PARD3B: variants seen among roughly 807,000 people sequenced by gnomAD.
PARD3B encodes partitioning defective 3 homolog B.
Under a neutral mutation model 130.2 loss-of-function variants are expected in PARD3B, and 103 were observed. That is an observed-to-expected ratio of 0.79 (90% CI 0.67 to 0.93). PARD3B has a LOEUF of 0.93. Ranked by LOEUF, PARD3B falls within the 40% of genes least tolerant of loss-of-function variation. PARD3B has a pLI of 0.00. For missense variants in PARD3B, 1,609 were observed against 1,499.2 expected (o/e 1.07, Z -1.21); for synonymous variants, 583 against 553.2 (o/e 1.05, Z -0.76).
intron 3 of PARD3B, among the ~76,000 whole-genome samples, chr2:205,039,444 T>A (rs897263669): frequency 5.9e-5 from 9 of 152,134 alleles, no homozygotes; most frequent in African/African-American, 2.2e-4. Flanking sequence ...AAGTATTTCT[T>A]TCTGATGGAC....
chr2:205,331,782 C>CA (rs56654511), intron 18 of PARD3B, among the ~76,000 whole-genome samples: 975 of 48,326 alleles, frequency 0.02, 60 homozygotes, highest in Middle Eastern at 0.031. Flanking sequence ...GACTCCGTCT[C>CA]AAAAAAAAAA....
chr2:205,611,143 AGAG>A (rs1202648895), intron 22 of PARD3B, among the ~76,000 whole-genome samples: 2 of 152,206 alleles, frequency 1.3e-5, no homozygotes, highest in Admixed American at 6.5e-5. Flanking sequence ...TGGCAGAGAC[AGAG>A]GAGAGAGATT....
Position 205,446,656 on chromosome 2 carries a change from A to C in PARD3B, c.3044+5984A>C, listed in dbSNP as rs2047917272. Among the ~76,000 whole-genome samples the C allele has an allele frequency of 6.6e-6, 1 of 152,138 alleles. No homozygotes were observed. The highest frequency in any genetic ancestry group is 6.5e-5 in the Admixed American group (1 of 15,272). ...CTTAGAAAAAAAAAATTGCCTTATAAAAGATTCATCTATAAATGACAGTGG... is the reference window on the plus strand; with the variant it reads ...CTTAGAAAAAAAAAATTGCCTTATACAAGATTCATCTATAAATGACAGTGG... On this transcript the variant is annotated intron_variant, in intron 20 of 22. Coordinates refer to ENST00000406610, the MANE Select transcript of PARD3B (RefSeq NM_001302769.2). The surrounding 1 kb of genome is among the most constrained non-coding windows in gnomAD (Gnocchi z 4.4).
At chr2:204,983,688 A>T (rs1692881784) in intron 3 of PARD3B, among the ~76,000 whole-genome samples, 1 of 152,176 alleles carries the variant, frequency 6.6e-6, no homozygotes, top group Non-Finnish European at 1.5e-5. Flanking sequence ...TGAAATTCCC[A>T]TGTGAAAGAT....
chr2:205,170,705 C>A (rs975970774), intron 11 of PARD3B, among the ~76,000 whole-genome samples: 2 of 152,158 alleles, frequency 1.3e-5, no homozygotes, highest in Admixed American at 1.3e-4. Context: ...GTTTAACGAC[C>A]CGTCTGCACA....
intron 1 of PARD3B, among the ~76,000 whole-genome samples, chr2:204,586,598 T>C (rs988295911): frequency 6.6e-6 from 1 of 152,170 alleles, no homozygotes; most frequent in African/African-American, 2.4e-5. Context: ...CCTTCAGACT[T>C]AATCTGCGGT....
chr2:204,910,070 T>C (rs1319239827), intron 2 of PARD3B, among the ~76,000 whole-genome samples: 1 of 152,106 alleles, frequency 6.6e-6, no homozygotes, highest in Non-Finnish European at 1.5e-5. Flanking sequence ...AATATTGAGC[T>C]TAGAAGATGT....
chr2:204,756,313 T>G (rs184126644), intron 2 of PARD3B, among the ~76,000 whole-genome samples: 270 of 152,280 alleles, frequency 1.8e-3, no homozygotes, highest in Non-Finnish European at 2.3e-3. Context: ...TTGAGTAGTG[T>G]GGCCCTATCT....
chr2:204,974,513 T>C (rs889210534), intron 3 of PARD3B, among the ~76,000 whole-genome samples: 1 of 152,238 alleles, frequency 6.6e-6, no homozygotes, highest in Non-Finnish European at 1.5e-5. Context: ...AAACATGGCA[T>C]AGATAGCAAC....
intron 18 of PARD3B, among the ~76,000 whole-genome samples, chr2:205,368,272 C>G (rs2044681380): frequency 1.3e-5 from 2 of 152,166 alleles, no homozygotes; most frequent in African/African-American, 4.8e-5. Flanking sequence ...TGTATTTCCA[C>G]TTGAAACTTT....
chr2:204,758,679 G>A (rs1206852215), intron 2 of PARD3B, among the ~76,000 whole-genome samples: 2 of 152,142 alleles, frequency 1.3e-5, no homozygotes, highest in Admixed American at 6.5e-5. Flanking sequence ...CAGCACTGTT[G>A]TTTCTGAGAT....
intron 2 of PARD3B, among the ~76,000 whole-genome samples, chr2:204,892,933 A>G (rs1575231558): frequency 6.6e-6 from 1 of 152,348 alleles, no homozygotes; most frequent in East Asian, 1.9e-4. Flanking sequence ...TTTGACAGTT[A>G]TAAAAGACTG....
In PARD3B at chr2:205,581,257, T is replaced by G. The variant is rs114278154; in HGVS notation, c.3260+27854T>G. On this transcript the variant is annotated intron_variant, in intron 22 of 22. Transcript: ENST00000406610. ...ATATATATAGATATATATAGATATA[T>G]ATAGATATAGATAGATAGATATAGA... 5.5e-4 allele frequency among the ~76,000 whole-genome samples: 67 copies of G among 120,912 alleles called. 1 individual carries two copies. The highest frequency in any genetic ancestry group is 4.2e-3 in the Middle Eastern group (1 of 238). 79.3% of individuals were successfully genotyped at this position (120,912 alleles called of 152,430 possible).
chr2:205,409,279 TAG>T (rs2046516497), intron 19 of PARD3B, among the ~76,000 whole-genome samples: 1 of 152,102 alleles, frequency 6.6e-6, no homozygotes, highest in Admixed American at 6.6e-5. Flanking sequence ...ATTAAAAATA[TAG>T]AGAGAGAAAG....
At chr2:204,705,658 G>A (rs2038107314) in intron 2 of PARD3B, among the ~76,000 whole-genome samples, 1 of 152,144 alleles carries the variant, frequency 6.6e-6, no homozygotes, top group Admixed American at 6.5e-5. Context: ...TCAAGCCACT[G>A]ACTGACTAGA....
rs1475019246 is a variant in PARD3B at position 205,615,698 on chromosome 2, G to T, written c.3503G>T (p.Arg1168Ile). The T allele has an allele frequency of 3.7e-6, 6 of 1,613,790 alleles. No individual in the cohort carries two copies. The Admixed American group carries it at 1.0e-4, about 27-fold the overall frequency. ...CCGCCTTCCCCTCCCCAGCACCAAA[G>T]AATGCCAGCCTATCAGGAAACAGGC... ...DVPPSPPQHQ[R>I]MPAYQETGRP... Residue 1168 changes from arginine (R) to isoleucine (I), a missense_variant, in exon 23 of 23, where the codon AGA becomes ATA. Transcript: ENST00000406610.
At chr2:204,998,014 G>C (rs1261240166) in intron 3 of PARD3B, among the ~76,000 whole-genome samples, 1 of 149,416 alleles carries the variant, frequency 6.7e-6, no homozygotes, top group Non-Finnish European at 1.5e-5. Context: ...GAAAAGTTGA[G>C]TCAGCTCTTA....
At chr2:204,772,476 G>A (rs377627651) in intron 2 of PARD3B, among the ~76,000 whole-genome samples, 1 of 152,060 alleles carries the variant, frequency 6.6e-6, no homozygotes, top group Admixed American at 6.6e-5. Context: ...TGGTTGTAGG[G>A]ACCATGGTTT....
intron 2 of PARD3B, among the ~76,000 whole-genome samples, chr2:204,827,234 C>G (rs2043618224): frequency 6.6e-6 from 1 of 152,110 alleles, no homozygotes; most frequent in Admixed American, 6.6e-5. Context: ...GTTAGCAATC[C>G]AGCATTGGCA....
Sources: allele counts gnomAD v4.1 joint callset (sites outside exome capture counted in the v4.1 genomes callset), GRCh38; gene constraint gnomAD v4.1.1; non-coding constraint Gnocchi (gnomAD v3.1); transcripts MANE v1.5; gene names NCBI Gene and HGNC (gene_info 2026-07-23, HGNC 2026-07-21).